Variants in ST6GALNAC3 observed in about 807,000 individuals in gnomAD.
ST6GALNAC3 encodes the protein alpha-N-acetylgalactosaminide alpha-2,6-sialyltransferase 3.
A neutral mutation model predicts 32.7 loss-of-function variants in ST6GALNAC3; 25 were observed. The observed-to-expected ratio is 0.76, with a 90% CI of 0.56 to 1.07. The LOEUF (loss-of-function observed/expected upper bound fraction) is 1.07. ST6GALNAC3 is among the 50% of genes least tolerant of loss of function. The probability of loss-of-function intolerance (pLI) is 0.00; values close to 1 mark genes in which losing one functional copy is unlikely to be tolerated. For synonymous variants in ST6GALNAC3, 129 were observed against 133.1 expected, an observed-to-expected ratio of 0.97 and a Z score of 0.21; for missense variants, 355 against 382.4, an observed-to-expected ratio of 0.93 and a Z score of 0.60.
At chr1:76,568,581 A>T (rs1454604761) in intron 3 of ST6GALNAC3, among the ~76,000 whole-genome samples, 1 of 152,142 alleles carries the variant, frequency 6.6e-6, no homozygotes, top group Non-Finnish European at 1.5e-5. Context: ...ATTAACACCT[A>T]CTTCAACACA....
At chr1:76,478,929 A>T (rs914701020) in intron 3 of ST6GALNAC3, among the ~76,000 whole-genome samples, 65 of 151,186 alleles carry the variant, frequency 4.3e-4, no homozygotes, top group Admixed American at 3.1e-3. Context: ...CGCCCGGCTA[A>T]TTTTTTTGTA....
chr1:76,299,428 C>T (rs1199219629), intron 1 of ST6GALNAC3, among the ~76,000 whole-genome samples: 1 of 152,034 alleles, frequency 6.6e-6, no homozygotes, highest in African/African-American at 2.4e-5. Context: ...CAAGAGCTCA[C>T]AGTCTAGCAA....
At chr1:76,232,111 T>C (rs1656393256) in intron 1 of ST6GALNAC3, among the ~76,000 whole-genome samples, 1 of 152,216 alleles carries the variant, frequency 6.6e-6, no homozygotes, top group Non-Finnish European at 1.5e-5. Context: ...AGAACCTCAC[T>C]CTGCGGCACA....
At chr1:76,468,867 AAGGT>A (rs1424710659) in intron 3 of ST6GALNAC3, among the ~76,000 whole-genome samples, 1 of 152,054 alleles carries the variant, frequency 6.6e-6, no homozygotes, top group African/African-American at 2.4e-5. Flanking sequence ...TAGAGGAAAG[AAGGT>A]AGGACATGTG....
intron 3 of ST6GALNAC3, among the ~76,000 whole-genome samples, chr1:76,414,885 C>T (rs2101326155): frequency 6.6e-6 from 1 of 152,060 alleles, no homozygotes; most frequent in African/African-American, 2.4e-5. Context: ...TTGCAAATTT[C>T]CCAATTGTCT....
chr1:76,396,552 C>T (rs1335400248), intron 2 of ST6GALNAC3, among the ~76,000 whole-genome samples: 2 of 152,178 alleles, frequency 1.3e-5, no homozygotes, highest in African/African-American at 4.8e-5. Flanking sequence ...TAAAAGCCTA[C>T]CTCTGTCTGC....
In ST6GALNAC3 at chr1:76,116,629, G is replaced by A. The variant is rs550245490; in HGVS notation, c.18+41745G>A. Among the ~76,000 whole-genome samples, 11 of 152,230 alleles carry A rather than the reference G, an allele frequency of 7.2e-5. No individual in the cohort carries two copies. In the South Asian group the frequency reaches 2.3e-3, roughly 32 times the overall value. ...TGGAAGAATGAAGCAAGACCACAGA[G>A]AGTATTTAAAGTAAAATCTGGCTGG... On this transcript the variant is annotated intron_variant, in intron 1 of 4. Coordinates refer to ENST00000328299, the MANE Select transcript of ST6GALNAC3 (RefSeq NM_152996.4).
chr1:76,602,243 G>C (rs181021682), intron 3 of ST6GALNAC3, among the ~76,000 whole-genome samples: 1 of 152,150 alleles, frequency 6.6e-6, no homozygotes, highest in Middle Eastern at 3.2e-3. Flanking sequence ...TACGAATGGG[G>C]AATGTGTCAG....
At chr1:76,276,726 T>A (rs1400202451) in intron 1 of ST6GALNAC3, among the ~76,000 whole-genome samples, 1 of 152,204 alleles carries the variant, frequency 6.6e-6, no homozygotes, top group East Asian at 1.9e-4. Context: ...GTCTTTAATG[T>A]TACTATATAA....
chr1:76,515,338 A>G (rs1662107993), intron 3 of ST6GALNAC3, among the ~76,000 whole-genome samples: 1 of 151,864 alleles, frequency 6.6e-6, no homozygotes, highest in African/African-American at 2.4e-5. Flanking sequence ...TTCATAGACT[A>G]GCTAAATGTT....
chr1:76,496,993 G>A (rs901705912), intron 3 of ST6GALNAC3, among the ~76,000 whole-genome samples: 1 of 152,112 alleles, frequency 6.6e-6, no homozygotes, highest in African/African-American at 2.4e-5. Flanking sequence ...GAAAATTTTG[G>A]TATTCATTCT....
At chr1:76,527,762 C>A (rs1347747149) in intron 3 of ST6GALNAC3, among the ~76,000 whole-genome samples, 1 of 152,042 alleles carries the variant, frequency 6.6e-6, no homozygotes, top group Admixed American at 6.6e-5. Flanking sequence ...CCTTGTGCTG[C>A]CAGAATAGCA....
chr1:76,107,319 TAATC>T (rs1283362314), intron 1 of ST6GALNAC3, among the ~76,000 whole-genome samples: 2 of 149,290 alleles, frequency 1.3e-5, no homozygotes, highest in Non-Finnish European at 3.0e-5. Context: ...TTTTTTATAA[TAATC>T]AGGCATCCAA....
chr1:76,465,695 G>T (rs535877285), intron 3 of ST6GALNAC3, among the ~76,000 whole-genome samples: 9 of 152,106 alleles, frequency 5.9e-5, no homozygotes, highest in African/African-American at 2.2e-4. Context: ...GAAAGAATGG[G>T]ATAGTATTTT....
intron 1 of ST6GALNAC3, among the ~76,000 whole-genome samples, chr1:76,185,192 A>G (rs1023731643): frequency 6.6e-6 from 1 of 152,140 alleles, no homozygotes; most frequent in East Asian, 1.9e-4. Context: ...TCCCAGGTCA[A>G]CGTTATCTAG....
chr1:76,496,225 G>A (rs1045739385), intron 3 of ST6GALNAC3, among the ~76,000 whole-genome samples: 5 of 152,060 alleles, frequency 3.3e-5, no homozygotes, highest in Admixed American at 6.6e-5. Flanking sequence ...CACCAACTGC[G>A]GTACAAAAAG....
chr1:76,453,558 T>A (rs1439299097), intron 3 of ST6GALNAC3, among the ~76,000 whole-genome samples: 1 of 152,170 alleles, frequency 6.6e-6, no homozygotes, highest in Non-Finnish European at 1.5e-5. Context: ...GGGAGCAGGT[T>A]ATTTAATTCC....
intron 1 of ST6GALNAC3, among the ~76,000 whole-genome samples, chr1:76,295,976 A>G (rs1480197668): frequency 6.6e-6 from 1 of 151,948 alleles, no homozygotes. Flanking sequence ...TGCACCTCCT[A>G]TTTTTTAAGT....
chr1:76,272,120 G>A (rs1464758956), intron 1 of ST6GALNAC3, among the ~76,000 whole-genome samples: 2 of 152,072 alleles, frequency 1.3e-5, no homozygotes, highest in East Asian at 1.9e-4. Context: ...GAGGTCAAGA[G>A]ATTGAGATCA....
Sources: allele counts gnomAD v4.1 joint callset (sites outside exome capture counted in the v4.1 genomes callset), GRCh38; gene constraint gnomAD v4.1.1; transcripts MANE v1.5; gene names NCBI Gene and HGNC (gene_info 2026-07-23, HGNC 2026-07-21).